Variants in SCD5 observed in about 807,000 individuals in gnomAD.
The protein encoded by SCD5 is acyl-CoA-desaturase 4.
SCD5 carries 20 observed loss-of-function variants against 30.4 expected under a neutral mutation model. The observed-to-expected ratio is 0.66, with a 90% CI of 0.46 to 0.96. The LOEUF is 0.96. SCD5 is among the 40% of genes least tolerant of loss of function. The probability of loss-of-function intolerance (pLI) is 0.00; values close to 1 mark genes in which losing one functional copy is unlikely to be tolerated. For synonymous variants in SCD5, 173 were observed against 176.4 expected, an observed-to-expected ratio of 0.98 and a Z score of 0.16; for missense variants, 381 against 443.3, an observed-to-expected ratio of 0.86 and a Z score of 1.26.
At chr4:82,752,560 T>C (rs1245805965) in intron 1 of SCD5, among the ~76,000 whole-genome samples, 2 of 152,144 alleles carry the variant, frequency 1.3e-5, no homozygotes, top group Non-Finnish European at 2.9e-5. Flanking sequence ...GCTGAGGAGA[T>C]GGAATCTTCC....
intron 1 of SCD5, among the ~76,000 whole-genome samples, chr4:82,762,647 A>G (rs1452069901): frequency 1.3e-5 from 2 of 152,200 alleles, no homozygotes; most frequent in South Asian, 2.1e-4. Flanking sequence ...TGCCATGACA[A>G]TAAGAGGCCA....
chr4:82,774,337 A>G (rs1721694576), intron 1 of SCD5, among the ~76,000 whole-genome samples: 1 of 152,164 alleles, frequency 6.6e-6, no homozygotes, highest in Non-Finnish European at 1.5e-5. Flanking sequence ...ACATGAAAAG[A>G]TGTCTACGAC....
chr4:82,677,915 C>T (rs1421493519), intron 3 of SCD5, among the ~76,000 whole-genome samples: 1 of 151,806 alleles, frequency 6.6e-6, no homozygotes, highest in Non-Finnish European at 1.5e-5. Context: ...CTTTCCTGGG[C>T]CTAGGCAATT....
chr4:82,678,283 T>C (rs1231199710), intron 3 of SCD5, among the ~76,000 whole-genome samples: 1 of 152,184 alleles, frequency 6.6e-6, no homozygotes, highest in African/African-American at 2.4e-5. Flanking sequence ...GGGAACTTGC[T>C]GAAATAGTCT....
intron 1 of SCD5, among the ~76,000 whole-genome samples, chr4:82,710,431 C>T (rs1442651974): frequency 2.6e-5 from 4 of 152,128 alleles, no homozygotes; most frequent in South Asian, 2.1e-4. Flanking sequence ...ACACTCCACC[C>T]GCCCCACCTC....
intron 1 of SCD5, among the ~76,000 whole-genome samples, chr4:82,743,280 T>A (rs11099548): frequency 0.44 from 66,966 of 151,852 alleles, 17,204 homozygotes; most frequent in South Asian, 0.59. Flanking sequence ...GAGGCCGAGG[T>A]GGGAGGACTG....
chr4:82,707,257 C>G (rs763679466), intron 1 of SCD5, among the ~76,000 whole-genome samples: 1 of 152,114 alleles, frequency 6.6e-6, no homozygotes, highest in African/African-American at 2.4e-5. Flanking sequence ...CAATAGAAAC[C>G]AGAATCACAA....
chr4:82,712,269 TATATATATATATATATATATATATATA>T lies in SCD5; in HGVS notation c.233-6883_233-6857del, dbSNP rs1560540757. Reference sequence around the variant, plus strand: ...ATATATATATATATATATATATATATATATATATATATATATATATATATATATTTTATTTTTATTTTATTTTTTTTT... The same window carrying T: ...ATATATATATATATATATATATATATTTTTATTTTTATTTTATTTTTTTTT... On this transcript the variant is annotated intron_variant, in intron 1 of 4. Coordinates refer to ENST00000319540, the MANE Select transcript of SCD5 (RefSeq NM_001037582.3). Among the ~76,000 whole-genome samples the T allele has an allele frequency of 3.5e-4, 17 of 49,208 alleles. 1 individual carries two copies. The highest frequency in any genetic ancestry group is 1.9e-3 in the African/African-American group (14 of 7,318). The allele number at this position is 49,208 out of a possible 152,430, so 32.3% of individuals were successfully genotyped here.
chr4:82,665,919 A>G (rs1421485440), intron 3 of SCD5, among the ~76,000 whole-genome samples: 1 of 152,172 alleles, frequency 6.6e-6, no homozygotes, highest in Non-Finnish European at 1.5e-5. Flanking sequence ...TCTTTTTTCT[A>G]AGTGGAAGGA....
intron 1 of SCD5, among the ~76,000 whole-genome samples, chr4:82,776,659 T>C (rs905544746): frequency 2.0e-5 from 3 of 152,172 alleles, no homozygotes; most frequent in Non-Finnish European, 2.9e-5. Flanking sequence ...CATTTCTCTA[T>C]GGAGCAGAAA....
chr4:82,712,747 ATG>A (rs1016836957), intron 1 of SCD5, among the ~76,000 whole-genome samples: 9 of 152,130 alleles, frequency 5.9e-5, no homozygotes, highest in Non-Finnish European at 1.2e-4. Flanking sequence ...GCATGCGCAC[ATG>A]TGTGTGTGTC....
At chr4:82,756,478 C>T (rs190922588) in intron 1 of SCD5, among the ~76,000 whole-genome samples, 1 of 152,294 alleles carries the variant, frequency 6.6e-6, no homozygotes, top group African/African-American at 2.4e-5. Flanking sequence ...GTAATCCCAG[C>T]ACTTTGGGAG....
chr4:82,727,646 T>A (rs1720535052), intron 1 of SCD5, among the ~76,000 whole-genome samples: 1 of 152,224 alleles, frequency 6.6e-6, no homozygotes, highest in South Asian at 2.1e-4. Context: ...ACAACTGGTT[T>A]CCTTGACTCT....
chr4:82,797,532 G>A (rs60607366), intron 1 of SCD5, among the ~76,000 whole-genome samples: 4,062 of 152,066 alleles, frequency 0.027, 203 homozygotes, highest in African/African-American at 0.094. Context: ...GGGGGTGCAC[G>A]GAAGGAGGGT....
rs559784045 is a variant in SCD5, at chr4:82,667,994, G to T, written c.569+12713C>A. ...GTTTGAAAAGAATAAATCAAAGCAG[G>T]ATGATGAAGTGAGGAGAGAATATAA... On this transcript the variant is annotated intron_variant, in intron 3 of 4. Transcript: ENST00000319540. Among the ~76,000 whole-genome samples, 8 of 152,234 alleles carry T rather than the reference G, an allele frequency of 5.3e-5. No individual in the cohort carries two copies. In the South Asian group the frequency reaches 1.7e-3, roughly 32 times the overall value.
At chr4:82,693,060 T>C (rs141983697) in intron 2 of SCD5, among the ~76,000 whole-genome samples, 84 of 152,282 alleles carry the variant, frequency 5.5e-4, no homozygotes, top group African/African-American at 1.9e-3. Context: ...TCAGACACCC[T>C]GGTTGGATGG....
intron 3 of SCD5, among the ~76,000 whole-genome samples, chr4:82,661,287 G>A (rs1410348129): frequency 1.3e-5 from 2 of 152,186 alleles, no homozygotes; most frequent in Admixed American, 1.3e-4. Context: ...AAAGCTCCTG[G>A]TAGCTCTGAC....
intron 3 of SCD5, among the ~76,000 whole-genome samples, chr4:82,649,722 TG>T (rs1727707124): frequency 6.6e-6 from 1 of 152,170 alleles, no homozygotes; most frequent in Non-Finnish European, 1.5e-5. Flanking sequence ...GGGATTCTGG[TG>T]TAGGGAAGAC....
chr4:82,664,999 C>CTCTCTCTATATATATATA (rs1219554314), intron 3 of SCD5, among the ~76,000 whole-genome samples: 25 of 70,484 alleles, frequency 3.5e-4, no homozygotes, highest in African/African-American at 1.1e-3. Flanking sequence ...CTCTCTCTCT[C>CTCTCTCTATATATATATA]TATATATATA....
Sources: allele counts gnomAD v4.1 joint callset (sites outside exome capture counted in the v4.1 genomes callset), GRCh38; gene constraint gnomAD v4.1.1; transcripts MANE v1.5; gene names NCBI Gene and HGNC (gene_info 2026-07-23, HGNC 2026-07-21).